Variants in ROBO2 observed in about 807,000 individuals in gnomAD.
The protein encoded by ROBO2 is roundabout guidance receptor 2.
A neutral mutation model predicts 160.8 loss-of-function variants in ROBO2; 53 were observed. The ratio of observed to expected loss-of-function variants is 0.33; its 90% CI spans 0.26 to 0.41. The LOEUF (loss-of-function observed/expected upper bound fraction) is 0.41. ROBO2 is among the 10% of genes least tolerant of loss of function. ROBO2 has a pLI of 1.00. For missense variants in ROBO2, 1,577 were observed against 1,722.4 expected (o/e 0.92, Z 1.49); for synonymous variants, 664 against 611.7 (o/e 1.09, Z -1.26).
chr3:76,622,451 C>A (rs2089291540), intron 2 of ROBO2, among the ~76,000 whole-genome samples: 1 of 151,990 alleles, frequency 6.6e-6, no homozygotes, highest in African/African-American at 2.4e-5. Flanking sequence ...AGCAAAAGAG[C>A]AAGACCCTGT....
At chr3:76,017,156 T>G (rs1325095343) in intron 2 of ROBO2, among the ~76,000 whole-genome samples, 2 of 152,198 alleles carry the variant, frequency 1.3e-5, no homozygotes, top group Non-Finnish European at 2.9e-5. Flanking sequence ...ATCTTGCTTA[T>G]GGCACCTTCC....
At chr3:76,256,349 C>CACA (rs1559690066) in intron 2 of ROBO2, among the ~76,000 whole-genome samples, 138 of 83,034 alleles carry the variant, frequency 1.7e-3, no homozygotes, top group South Asian at 3.9e-3. Flanking sequence ...CTCTCTCTCT[C>CACA]TCTCACATAC....
chr3:77,430,403 T>C (rs925928100), intron 2 of ROBO2, among the ~76,000 whole-genome samples: 3 of 152,170 alleles, frequency 2.0e-5, no homozygotes, highest in African/African-American at 7.2e-5. Context: ...TGCTGGTGAA[T>C]GTTTAACAAC....
chr3:76,727,452 T>C (rs961385324), intron 2 of ROBO2, among the ~76,000 whole-genome samples: 4 of 152,234 alleles, frequency 2.6e-5, no homozygotes, highest in African/African-American at 7.2e-5. Flanking sequence ...AATGTGCTTT[T>C]ATTTTCATTC....
At chr3:76,070,398 T>C (rs1346542767) in intron 2 of ROBO2, among the ~76,000 whole-genome samples, 1 of 152,134 alleles carries the variant, frequency 6.6e-6, no homozygotes, top group Non-Finnish European at 1.5e-5. Flanking sequence ...CAGTCTCCCA[T>C]AGCGCTCCCA....
intron 2 of ROBO2, among the ~76,000 whole-genome samples, chr3:76,079,520 G>A (rs2068749081): frequency 7.6e-6 from 1 of 132,020 alleles, no homozygotes; most frequent in Admixed American, 8.2e-5. Flanking sequence ...GTCTCGCTCT[G>A]TCGCCCAAGC....
chr3:77,477,806 C>T (rs1274524352), intron 3 of ROBO2, among the ~76,000 whole-genome samples: 1 of 147,148 alleles, frequency 6.8e-6, no homozygotes, highest in East Asian at 2.0e-4. Flanking sequence ...TATATCTTTA[C>T]ACTGCAATAT....
chr3:76,922,961 A>C (rs2076760062), intron 2 of ROBO2, among the ~76,000 whole-genome samples: 1 of 152,232 alleles, frequency 6.6e-6, no homozygotes, highest in South Asian at 2.1e-4. Flanking sequence ...TCTCATGATC[A>C]GGAATTCATC....
At chr3:76,912,326 T>C (rs1025627301) in intron 2 of ROBO2, among the ~76,000 whole-genome samples, 1 of 152,166 alleles carries the variant, frequency 6.6e-6, no homozygotes, top group Non-Finnish European at 1.5e-5. Flanking sequence ...AGAAATAAGA[T>C]ACAGATAGTT....
chr3:76,985,040 T>C (rs2060297567), intron 2 of ROBO2, among the ~76,000 whole-genome samples: 1 of 152,256 alleles, frequency 6.6e-6, no homozygotes, highest in East Asian at 1.9e-4. Context: ...TTAATCAATA[T>C]AGAATGATGT....
chr3:76,424,367 T>G (rs2076123388), intron 2 of ROBO2, among the ~76,000 whole-genome samples: 1 of 152,200 alleles, frequency 6.6e-6, no homozygotes, highest in African/African-American at 2.4e-5. Flanking sequence ...ACAATTGTAT[T>G]TAGTATATTA....
intron 2 of ROBO2, among the ~76,000 whole-genome samples, chr3:76,789,470 C>A (rs2063207193): frequency 6.6e-6 from 1 of 151,506 alleles, no homozygotes; most frequent in Non-Finnish European, 1.5e-5. Context: ...GGCATCCTGG[C>A]TCACAGGATG....
intron 2 of ROBO2, among the ~76,000 whole-genome samples, chr3:76,427,461 G>C (rs2108986259): frequency 6.6e-6 from 1 of 152,242 alleles, no homozygotes; most frequent in East Asian, 1.9e-4. Context: ...TACTACAAAT[G>C]TAAGGACAGC....
At chr3:77,166,985 C>T (rs1490000101) in intron 2 of ROBO2, among the ~76,000 whole-genome samples, 5 of 152,142 alleles carry the variant, frequency 3.3e-5, no homozygotes, top group African/African-American at 1.2e-4. Context: ...TTTATTCTTT[C>T]TTGCACTTAC....
In ROBO2 at chr3:77,359,688, T is replaced by G. The variant is rs555804865; in HGVS notation, c.389-117726T>G. Among the ~76,000 whole-genome samples the G allele has an allele frequency of 1.7e-3, 253 of 152,188 alleles. 1 individual carries two copies. The highest frequency in any genetic ancestry group is 2.0e-3 in the Non-Finnish European group (136 of 68,010). On this transcript the variant is annotated intron_variant, in intron 2 of 25. Transcript: ENST00000461745. ...ACCTTCTTTATTCAGCCCTTTGGTTTGTTTGTTTGAAATGAGGTCTCGCCC... is the reference window on the plus strand; with the variant it reads ...ACCTTCTTTATTCAGCCCTTTGGTTGGTTTGTTTGAAATGAGGTCTCGCCC...
At chr3:75,909,947 A>T (rs1391055328) in intron 1 of ROBO2, among the ~76,000 whole-genome samples, 8 of 152,316 alleles carry the variant, frequency 5.3e-5, no homozygotes, top group South Asian at 4.1e-4. Context: ...CAGAATACCT[A>T]GTCAACTTCT....
chr3:77,395,332 G>A (rs956398438), intron 2 of ROBO2, among the ~76,000 whole-genome samples: 1 of 152,112 alleles, frequency 6.6e-6, no homozygotes, highest in African/African-American at 2.4e-5. Context: ...AGGGGTGGGG[G>A]AACAGCAGGT....
At position 77,558,094 on chromosome 3, in the gene ROBO2, G is replaced by C; in HGVS notation, c.1382G>C (p.Arg461Thr). Residue 461 changes from arginine (R) to threonine (T), a missense_variant, in exon 9 of 26, where the codon AGA (arginine) becomes ACA (threonine). Arg to Thr is a moderately conservative substitution (Grantham distance 71). Transcript: ENST00000461745. ...AAGGAGGGATTTACTTTTCCGGGTA[G>C]AGATCCAAGAGCAACAATTCAAGAG... 11 of 1,613,152 alleles carry C rather than the reference G, an allele frequency of 6.8e-6. No individual in the cohort carries two copies. Among genetic ancestry groups the C allele is most frequent in the Non-Finnish European group, 9.3e-6 (11 of 1,179,382 alleles).
chr3:77,372,577 A>G (rs2071932708), intron 2 of ROBO2, among the ~76,000 whole-genome samples: 2 of 152,294 alleles, frequency 1.3e-5, no homozygotes, highest in Admixed American at 6.5e-5. Flanking sequence ...GCTTAAAGTC[A>G]TAGAATAATT....
Sources: allele counts gnomAD v4.1 joint callset (sites outside exome capture counted in the v4.1 genomes callset), GRCh38; gene constraint gnomAD v4.1.1; transcripts MANE v1.5; gene names NCBI Gene and HGNC (gene_info 2026-07-23, HGNC 2026-07-21).